The following PTPRQ variants were observed in gnomAD, a reference collection of about 807,000 sequenced individuals.
PTPRQ encodes the protein protein tyrosine phosphatase receptor type Q, also known as phosphatidylinositol phosphatase PTPRQ.
PTPRQ carries 199 observed loss-of-function variants against 246.0 expected under a neutral mutation model. The observed-to-expected ratio is 0.81, with a 90% confidence interval of 0.72 to 0.91. PTPRQ has a LOEUF of 0.91. PTPRQ is among the 40% of genes least tolerant of loss of function. The pLI is 0.00. For missense variants in PTPRQ, 2,624 were observed against 2,528.4 expected (o/e 1.04, Z -0.81); for synonymous variants, 869 against 853.2 (o/e 1.02, Z -0.32).
chr12:80,472,616 T>G lies in PTPRQ; in HGVS notation c.1186+365T>G, dbSNP rs186759955. Among the ~76,000 whole-genome samples the G allele has an allele frequency of 3.7e-3, 560 of 152,312 alleles. 22 individuals carry two copies. The highest frequency in any genetic ancestry group is 0.032 in the Admixed American group (489 of 15,294). ...TATTTTTTCTCACAGAACTAGTATT[T>G]AGAAGAATTCCTATACTCCCAATTC... On this transcript the variant is annotated intron_variant, in intron 8 of 44. Coordinates refer to ENST00000644991, the MANE Select transcript of PTPRQ (RefSeq NM_001145026.2).
At chr12:80,523,214 C>A (rs1221229104) in intron 17 of PTPRQ, among the ~76,000 whole-genome samples, 1 of 152,126 alleles carries the variant, frequency 6.6e-6, no homozygotes, top group African/African-American at 2.4e-5. Flanking sequence ...GTGATATCCC[C>A]TTTAGCATTT....
chr12:80,452,941 G>C (rs191546813), intron 3 of PTPRQ, among the ~76,000 whole-genome samples: 2 of 152,306 alleles, frequency 1.3e-5, no homozygotes, highest in Admixed American at 6.5e-5. Flanking sequence ...AGTTCTCCTG[G>C]ATAATATCCT....
chr12:80,502,276 A>T (rs1894824404), intron 14 of PTPRQ, among the ~76,000 whole-genome samples: 1 of 151,864 alleles, frequency 6.6e-6, no homozygotes, highest in African/African-American at 2.4e-5. Context: ...ATGGAATGAG[A>T]AGCAAGTTTA....
In PTPRQ at chr12:80,528,183, CT is replaced by C. The variant is rs201580563; in HGVS notation, c.2679-5830del. ...ATCTTAAACTTCTAGTAAGATATAA[CT>C]TATACACTTTGTAAAAGAAAATAAA... On this transcript the variant is annotated intron_variant, in intron 17 of 44. Coordinates refer to ENST00000644991, the MANE Select transcript of PTPRQ (RefSeq NM_001145026.2). 6.4e-4 allele frequency among the ~76,000 whole-genome samples: 98 copies of C among 152,192 alleles called. 1 individual carries two copies. The East Asian group carries it at 0.018, about 28-fold the overall frequency.
chr12:80,571,006 G>A (rs1298423374), intron 25 of PTPRQ, among the ~76,000 whole-genome samples: 3 of 152,186 alleles, frequency 2.0e-5, no homozygotes, highest in Non-Finnish European at 4.4e-5. Flanking sequence ...ATAGTTTGAA[G>A]CCAGGTACCA....
chr12:80,555,671 A>G (rs1896623626), intron 25 of PTPRQ, among the ~76,000 whole-genome samples: 1 of 152,230 alleles, frequency 6.6e-6, no homozygotes, highest in Admixed American at 6.5e-5. Flanking sequence ...ATAGTTGCCT[A>G]TCATAAATCA....
intron 25 of PTPRQ, among the ~76,000 whole-genome samples, chr12:80,583,368 G>A (rs1017653103): frequency 3.9e-5 from 6 of 151,946 alleles, no homozygotes; most frequent in South Asian, 2.1e-4. Flanking sequence ...AGATGGATGC[G>A]GAAGCAAAAT....
Position 80,495,833 on chromosome 12 carries a change from G to A in PTPRQ, c.1883-166G>A, listed in dbSNP as rs11114481. On this transcript the variant is annotated intron_variant, in intron 12 of 44. Coordinates refer to ENST00000644991, the MANE Select transcript of PTPRQ (RefSeq NM_001145026.2). The stretch of plus-strand genomic sequence containing the variant: ...GGAGAGAACTTGAAGTCACCAACAT[G>A]GAAAGGCCTATAAGCCCAAGAATTT... 0.53 allele frequency among the ~76,000 whole-genome samples: 81,104 copies of A among 151,758 alleles called. 24,115 individuals carry two copies. The highest frequency in any genetic ancestry group is 0.67 in the Non-Finnish European group (45,305 of 67,864).
At chr12:80,558,313 G>T (rs567314054) in intron 25 of PTPRQ, among the ~76,000 whole-genome samples, 27 of 151,596 alleles carry the variant, frequency 1.8e-4, no homozygotes, top group African/African-American at 5.6e-4. Flanking sequence ...GACTACAGGC[G>T]CATGCCACTG....
chr12:80,535,958 T>A (rs1259473020), intron 19 of PTPRQ, among the ~76,000 whole-genome samples: 1 of 151,962 alleles, frequency 6.6e-6, no homozygotes, highest in African/African-American at 2.4e-5. Flanking sequence ...ATACAAAAAA[T>A]TAGCCAGGCG....
chr12:80,512,521 A>G (rs1238127229), intron 17 of PTPRQ: 1 of 152,208 alleles, frequency 6.6e-6, no homozygotes, highest in African/African-American at 2.4e-5. Context: ...GTTAGGAATA[A>G]GTAATGACAA....
Position 80,472,209 on chromosome 12 carries a change from A to G in PTPRQ, c.1144A>G (p.Thr382Ala). The G allele has an allele frequency of 6.4e-7, 1 of 1,551,552 alleles. No homozygotes were observed. The highest frequency in any genetic ancestry group is 8.7e-7 in the Non-Finnish European group (1 of 1,146,942). The change falls in exon 8 of 45, where the codon ACT becomes GCT. Residue 382 changes from threonine (T) to alanine (A), a missense_variant. Thr to Ala is a moderately conservative substitution (Grantham distance 58). Transcript: ENST00000644991. ...VYIAAETSAGTGPKSNISVFT... is the reference protein window; with the variant it reads ...VYIAAETSAGAGPKSNISVFT... ...TATTGCGGCTGAAACCAGTGCAGGGACTGGGCCCAAGTCAAATATTTCAGT... is the reference window on the plus strand; with the variant it reads ...TATTGCGGCTGAAACCAGTGCAGGGGCTGGGCCCAAGTCAAATATTTCAGT...
At chr12:80,571,016 A>G (rs868779654) in intron 25 of PTPRQ, among the ~76,000 whole-genome samples, 56 of 152,284 alleles carry the variant, frequency 3.7e-4, no homozygotes, top group Middle Eastern at 6.8e-3. Context: ...GCCAGGTACC[A>G]TGATGCCTCC....
rs1355974853 is a variant in PTPRQ at position 80,678,654 on chromosome 12, G to A, written c.6791G>A (p.Gly2264Glu). Residue 2264 changes from glycine (G) to glutamate (E), a missense_variant, in exon 44 of 45, where the codon GGA becomes GAA. Physicochemically the swap from Gly to Glu is moderately conservative, Grantham distance 98. Transcript: ENST00000644991. ...QCILDLLSNKGSNQPICFVNY... is the reference protein window; with the variant it reads ...QCILDLLSNKESNQPICFVNY... Reference sequence around the variant, plus strand: ...ATTCTGGATCTCTTATCAAATAAGGGAAGTAATCAGCCCATCTGTTTTGTT... The same window carrying A: ...ATTCTGGATCTCTTATCAAATAAGGAAAGTAATCAGCCCATCTGTTTTGTT... 4.5e-6 allele frequency: 7 copies of A among 1,550,314 alleles called. No homozygotes were observed. In the Middle Eastern group the frequency reaches 5.0e-4, roughly 111 times the overall value.
In PTPRQ at chr12:80,670,399, G is replaced by C. The variant is rs1565851647; in HGVS notation, c.6509G>C (p.Gly2170Ala). The change falls in exon 42 of 45, where the codon GGG becomes GCG. Residue 2170 changes from glycine (G) to alanine (A), a missense_variant. Coordinates refer to ENST00000644991, the MANE Select transcript of PTPRQ (RefSeq NM_001145026.2). The stretch of plus-strand genomic sequence containing the variant: ...AACTTTACTGCCTGGCCAGAGCATG[G>C]GGTTCCTGAGAACAGCGCCCCTCTA... ...QCNFTAWPEH[G>A]VPENSAPLIH... 1.3e-6 allele frequency: 2 copies of C among 1,551,064 alleles called. No homozygotes were observed. The highest frequency in any genetic ancestry group is 1.7e-6 in the Non-Finnish European group (2 of 1,146,602).
intron 17 of PTPRQ, among the ~76,000 whole-genome samples, chr12:80,520,996 A>G (rs1311657315): frequency 6.6e-6 from 1 of 151,686 alleles, no homozygotes; most frequent in East Asian, 1.9e-4. Flanking sequence ...AAGTGTTCCT[A>G]TTTCTCCACA....
chr12:80,579,512 G>A (rs1452954141), intron 25 of PTPRQ, among the ~76,000 whole-genome samples: 1 of 151,992 alleles, frequency 6.6e-6, no homozygotes, highest in Non-Finnish European at 1.5e-5. Flanking sequence ...TCTCTGTCCT[G>A]TTGCATTTAC....
Position 80,468,743 on chromosome 12 carries a change from G to A in PTPRQ, c.944G>A (p.Gly315Asp), listed in dbSNP as rs751850575. 26 of 1,549,078 alleles carry A rather than the reference G, an allele frequency of 1.7e-5. No individual in the cohort carries two copies. The African/African-American group carries it at 3.3e-4, about 20-fold the overall frequency. Residue 315 changes from glycine to aspartate, a missense_variant, in exon 7 of 45, where the codon GGC (glycine) becomes GAC (aspartate). Coordinates refer to ENST00000644991, the MANE Select transcript of PTPRQ (RefSeq NM_001145026.2). Reference protein sequence around the residue: ...PEGPPQNCVTGNITGKSFSIL... With the variant: ...PEGPPQNCVTDNITGKSFSIL... ...GGACCACCACAAAACTGCGTAACAGGCAACATCACAGGAAAGTCCTTTTCA... is the reference window on the plus strand; with the variant it reads ...GGACCACCACAAAACTGCGTAACAGACAACATCACAGGAAAGTCCTTTTCA...
At chr12:80,628,390 G>A (rs1191092774) in intron 33 of PTPRQ, among the ~76,000 whole-genome samples, 1 of 151,998 alleles carries the variant, frequency 6.6e-6, no homozygotes, top group Non-Finnish European at 1.5e-5. Flanking sequence ...ACCAATACAG[G>A]ACAAAAAGAT....
Sources: gnomAD v4.1 joint callset for allele counts (sites outside exome capture counted in the v4.1 genomes callset) on GRCh38, gnomAD v4.1.1 for gene constraint, MANE v1.5 for transcripts, NCBI Gene and HGNC (gene_info 2026-07-23, HGNC 2026-07-21) for gene names.